The following SPIDR variants were observed in gnomAD, a reference collection of about 807,000 sequenced individuals.
SPIDR encodes the protein DNA repair-scaffolding protein.
SPIDR carries 93 observed loss-of-function variants against 104.6 expected under a neutral mutation model. That is an observed-to-expected ratio of 0.89 (90% CI 0.75 to 1.06). SPIDR has a LOEUF of 1.06. Ranked by LOEUF, SPIDR falls within the 50% of genes least tolerant of loss-of-function variation. The pLI, the probability that SPIDR is intolerant of heterozygous loss-of-function variation, is 0.00. For missense variants in SPIDR, 1,154 were observed against 1,111.2 expected (o/e 1.04, Z -0.55); for synonymous variants, 431 against 416.9 (o/e 1.03, Z -0.41).
chr8:47,275,131 C>T (rs1239657005), intron 1 of SPIDR, among the ~76,000 whole-genome samples: 3 of 151,412 alleles, frequency 2.0e-5, no homozygotes, highest in South Asian at 4.2e-4. Context: ...TGGTGGGGGG[C>T]GCCTGTAGTC....
intron 6 of SPIDR, among the ~76,000 whole-genome samples, chr8:47,398,806 G>C (rs2061525214): frequency 1.3e-5 from 2 of 152,158 alleles, no homozygotes; most frequent in African/African-American, 4.8e-5. Flanking sequence ...TGGGTGCTCT[G>C]CCAAAGTTGG....
chr8:47,418,088 G>A (rs1238398635), intron 7 of SPIDR, among the ~76,000 whole-genome samples: 1 of 152,124 alleles, frequency 6.6e-6, no homozygotes, highest in Non-Finnish European at 1.5e-5. Context: ...TTTGGCTTAG[G>A]ATTGACCTGG....
At chr8:47,605,715 G>A (rs548527953) in intron 10 of SPIDR, among the ~76,000 whole-genome samples, 2 of 152,254 alleles carry the variant, frequency 1.3e-5, no homozygotes, top group African/African-American at 4.8e-5. Context: ...TGGTGGTGAG[G>A]ACTGATTGGG....
At position 47,296,244 on chromosome 8, in the gene SPIDR, C is replaced by T. The variant is rs937265968; in HGVS notation, c.525+2214C>T. ...TGGCACATCTTTTGCTCTGTTGTTT[C>T]TTTGCTGTGTATAATCTTTTCAGTT... On this transcript the variant is annotated intron_variant, in intron 5 of 19. Coordinates refer to ENST00000297423, the MANE Select transcript of SPIDR (RefSeq NM_001080394.4). 3.3e-5 allele frequency among the ~76,000 whole-genome samples: 5 copies of T among 152,110 alleles called. 1 individual carries two copies. The highest frequency in any genetic ancestry group is 3.3e-4 in the Admixed American group (5 of 15,244).
chr8:47,714,169 G>A (rs188165557), intron 16 of SPIDR, among the ~76,000 whole-genome samples: 21 of 152,194 alleles, frequency 1.4e-4, no homozygotes, highest in Admixed American at 1.1e-3. Context: ...TGGTACAGGC[G>A]GCCTGGTCTG....
At chr8:47,660,647 A>G (rs2073958023) in intron 10 of SPIDR, 1 of 393,828 alleles carries the variant, frequency 2.5e-6, no homozygotes. Flanking sequence ...ATGGTTATGT[A>G]TTGCTTTACC....
chr8:47,685,517 A>ATTTATTTTTTTT lies in SPIDR; in HGVS notation c.1685+11579_1685+11580insATTTTTTTTTTT, dbSNP rs761792229. 9.4e-4 allele frequency among the ~76,000 whole-genome samples: 122 copies of ATTTATTTTTTTT among 130,164 alleles called. 3 individuals carry two copies. Among genetic ancestry groups the ATTTATTTTTTTT allele is most frequent in the Middle Eastern group, 7.8e-3 (2 of 258 alleles). The allele number at this position is 130,164 out of a possible 152,430, so 85.4% of individuals were successfully genotyped here. On this transcript the variant is annotated intron_variant, in intron 11 of 19. Coordinates refer to ENST00000297423, the MANE Select transcript of SPIDR (RefSeq NM_001080394.4). ...TATTTATTTATTTATTTATTTATTTATTTTTTTGAGACAGTCTCTCTCTGT... is the reference window on the plus strand; with the variant it reads ...TATTTATTTATTTATTTATTTATTTATTTATTTTTTTTTTTTTTTGAGACAGTCTCTCTCTGT...
chr8:47,462,222 C>CG (rs2074061408), intron 8 of SPIDR, among the ~76,000 whole-genome samples: 1 of 152,114 alleles, frequency 6.6e-6, no homozygotes, highest in Non-Finnish European at 1.5e-5. Context: ...GCCAAGCCCT[C>CG]GACTAGTACC....
intron 8 of SPIDR, among the ~76,000 whole-genome samples, chr8:47,477,145 A>G (rs1285787647): frequency 6.6e-6 from 1 of 152,208 alleles, no homozygotes; most frequent in East Asian, 1.9e-4. Context: ...AGGGCCTATG[A>G]AACACTTAAT....
rs1418026891 is a variant in SPIDR, at chr8:47,729,463, G to A, written c.2602G>A (p.Gly868Arg). ...SLLRFAAGED[G>R]SYEVKSVLGK... ...GCTGAGGTTTGCCGCCGGTGAAGATGGGGTAAGTGCAGGGGGCCCAGCCCA... is the reference window on the plus strand; with the variant it reads ...GCTGAGGTTTGCCGCCGGTGAAGATAGGGTAAGTGCAGGGGGCCCAGCCCA... The change falls in exon 19 of 20, where the codon GGG becomes AGG. Residue 868 changes from glycine to arginine, a missense_variant and splice_region_variant. Physicochemically the swap from Gly to Arg is moderately radical, Grantham distance 125. Transcript: ENST00000297423. 2 of 1,596,710 alleles carry A rather than the reference G, an allele frequency of 1.3e-6. No homozygotes were observed. Among genetic ancestry groups the A allele is most frequent in the Non-Finnish European group, 1.7e-6 (2 of 1,172,760 alleles).
chr8:47,584,681 T>C (rs112677861), intron 8 of SPIDR, among the ~76,000 whole-genome samples: 3 of 152,208 alleles, frequency 2.0e-5, no homozygotes, highest in Non-Finnish European at 4.4e-5. Flanking sequence ...TGCTTCCTTC[T>C]TCTTAGCTGT....
In SPIDR at chr8:47,729,033, A is replaced by G. The variant is rs1407323695; in HGVS notation, c.2536A>G (p.Arg846Gly). 5.0e-6 allele frequency: 8 copies of G among 1,613,986 alleles called. No individual in the cohort carries two copies. Among genetic ancestry groups the G allele is most frequent in the East Asian group, 4.5e-5 (2 of 44,876 alleles). Reference sequence around the variant, plus strand: ...GGACTGCCGCTCAAGACCGCAGTGCAGAGTGAAGGTCAAGGTAGGAGCCAG... The same window carrying G: ...GGACTGCCGCTCAAGACCGCAGTGCGGAGTGAAGGTCAAGGTAGGAGCCAG... ...FLDCRSRPQC[R>G]VKVKLLQRSI... The change falls in exon 18 of 20, where the codon AGA becomes GGA. Residue 846 changes from arginine to glycine, a missense_variant. By Grantham distance (125) the Arg-to-Gly change is moderately radical. Coordinates refer to ENST00000297423, the MANE Select transcript of SPIDR (RefSeq NM_001080394.4).
At chr8:47,555,648 G>A (rs553384185) in intron 8 of SPIDR, among the ~76,000 whole-genome samples, 1 of 152,112 alleles carries the variant, frequency 6.6e-6, no homozygotes. Flanking sequence ...CTAGGAGTGG[G>A]GTATGTGTAT....
intron 8 of SPIDR, among the ~76,000 whole-genome samples, chr8:47,486,464 G>T (rs1202985536): frequency 6.6e-6 from 1 of 152,142 alleles, no homozygotes; most frequent in Non-Finnish European, 1.5e-5. Context: ...CCAACCTAGT[G>T]AGGCAGACCA....
At chr8:47,432,059 A>G (rs1379292848) in intron 7 of SPIDR, among the ~76,000 whole-genome samples, 2 of 152,200 alleles carry the variant, frequency 1.3e-5, no homozygotes, top group African/African-American at 4.8e-5. Context: ...CAGAATTAAA[A>G]TTTTGATTTA....
At chr8:47,453,983 G>A (rs2072427481) in intron 8 of SPIDR, among the ~76,000 whole-genome samples, 1 of 151,020 alleles carries the variant, frequency 6.6e-6, no homozygotes, top group South Asian at 2.1e-4. Context: ...GAAACAACAG[G>A]TGCTGGAGGA....
intron 1 of SPIDR, among the ~76,000 whole-genome samples, chr8:47,272,620 G>A (rs1057262718): frequency 6.6e-5 from 10 of 152,122 alleles, no homozygotes; most frequent in South Asian, 2.1e-4. Context: ...CTTGGGCAGC[G>A]CCTCGAGATG....
chr8:47,517,861 A>T (rs1370545855), intron 8 of SPIDR, among the ~76,000 whole-genome samples: 2 of 152,232 alleles, frequency 1.3e-5, no homozygotes, highest in Non-Finnish European at 2.9e-5. Flanking sequence ...AAACAATTTT[A>T]TCAGCACTAC....
At chr8:47,406,921 T>C (rs964071531) in intron 6 of SPIDR, among the ~76,000 whole-genome samples, 3 of 152,200 alleles carry the variant, frequency 2.0e-5, no homozygotes, top group Non-Finnish European at 4.4e-5. Context: ...ATAAAGGTAA[T>C]GTAGTGAAAT....
Sources: allele counts gnomAD v4.1 joint callset (sites outside exome capture counted in the v4.1 genomes callset), GRCh38; gene constraint gnomAD v4.1.1; transcripts MANE v1.5; gene names NCBI Gene and HGNC (gene_info 2026-07-23, HGNC 2026-07-21).